The following NRXN3 variants were observed in gnomAD, a reference collection of about 807,000 sequenced individuals.
NRXN3 encodes neurexin III.
Under a neutral mutation model 137.6 loss-of-function variants are expected in NRXN3, and 32 were observed. The observed-to-expected ratio is 0.23, with a 90% CI of 0.18 to 0.31. NRXN3 has a LOEUF of 0.31. NRXN3 is among the 10% of genes least tolerant of loss of function. NRXN3 has a pLI of 1.00. For missense variants in NRXN3, 1,574 were observed against 2,062.5 expected (o/e 0.76, Z 4.59); for synonymous variants, 798 against 784.5 (o/e 1.02, Z -0.29).
intron 10 of NRXN3, among the ~76,000 whole-genome samples, chr14:78,810,922 C>T (rs1192958187): frequency 6.6e-6 from 1 of 152,196 alleles, no homozygotes; most frequent in Non-Finnish European, 1.5e-5. Context: ...GTATTATTTT[C>T]ACCTTATCCC....
At chr14:79,479,790 C>G (rs1162726232) in intron 16 of NRXN3, among the ~76,000 whole-genome samples, 1 of 152,032 alleles carries the variant, frequency 6.6e-6, no homozygotes, top group Non-Finnish European at 1.5e-5. Flanking sequence ...CTTAAATACT[C>G]CTATGCAAAA....
chr14:78,631,950 A>C (rs1005291267), intron 4 of NRXN3, among the ~76,000 whole-genome samples: 3 of 151,864 alleles, frequency 2.0e-5, no homozygotes, highest in African/African-American at 7.3e-5. Context: ...TGCTAAAAAA[A>C]AAAAATACAA....
intron 15 of NRXN3, among the ~76,000 whole-genome samples, chr14:79,358,320 C>T (rs1464684013): frequency 6.6e-6 from 1 of 151,856 alleles, no homozygotes; most frequent in Non-Finnish European, 1.5e-5. Context: ...CCCAGCACTT[C>T]GGGACTTTGG....
At chr14:78,808,551 G>A (rs989896652) in intron 9 of NRXN3, among the ~76,000 whole-genome samples, 1 of 151,894 alleles carries the variant, frequency 6.6e-6, no homozygotes, top group Non-Finnish European at 1.5e-5. Flanking sequence ...CTCCCTCCCT[G>A]CCCTCCCTCC....
At chr14:78,778,686 C>CTTTCTT (rs1294921220) in intron 8 of NRXN3, among the ~76,000 whole-genome samples, 1 of 111,878 alleles carries the variant, frequency 8.9e-6, no homozygotes, top group African/African-American at 3.5e-5. Context: ...TCTTTTCTTT[C>CTTTCTT]TTTCTTTCTT....
chr14:79,122,423 C>T (rs545561679), intron 15 of NRXN3, among the ~76,000 whole-genome samples: 1 of 152,266 alleles, frequency 6.6e-6, no homozygotes, highest in Non-Finnish European at 1.5e-5. Context: ...AGAATTTCCT[C>T]TCAGTGGAAT....
chr14:78,194,760 A>G (rs1029089190), intron 1 of NRXN3, among the ~76,000 whole-genome samples: 4 of 152,216 alleles, frequency 2.6e-5, no homozygotes, highest in African/African-American at 9.6e-5. Context: ...ATGATCCAGC[A>G]TGCTAGAGTA....
In NRXN3 at chr14:79,865,714, C is replaced by G. The variant is rs1231306361; in HGVS notation, c.*3750C>G. ...GATATTGGCTCACTGCAACCTCTGC[C>G]TCTCAACCTCAAACGATTCTCCTGC... On this transcript the variant is annotated 3_prime_UTR_variant, in exon 21 of 21. Coordinates refer to ENST00000335750, the MANE Select transcript of NRXN3 (RefSeq NM_001330195.2). The G allele has an allele frequency of 6.6e-6, 1 of 152,178 alleles. No homozygotes were observed. The highest frequency in any genetic ancestry group is 2.4e-5 in the African/African-American group (1 of 41,428). 9.4% of individuals were successfully genotyped at this position (152,178 alleles called of 1,614,324 possible).
At chr14:79,061,822 C>T (rs1448395183) in intron 15 of NRXN3, among the ~76,000 whole-genome samples, 5 of 152,316 alleles carry the variant, frequency 3.3e-5, no homozygotes, top group Admixed American at 3.3e-4. Flanking sequence ...CATCCCGGCC[C>T]ATCCCTTATG....
intron 8 of NRXN3, among the ~76,000 whole-genome samples, chr14:78,795,632 A>G (rs2098819343): frequency 1.3e-5 from 2 of 152,238 alleles, no homozygotes; most frequent in Non-Finnish European, 2.9e-5. Context: ...AAATACAGAT[A>G]TATACCATTT....
At chr14:78,433,064 G>A (rs2093948070) in intron 4 of NRXN3, among the ~76,000 whole-genome samples, 1 of 152,178 alleles carries the variant, frequency 6.6e-6, no homozygotes, top group African/African-American at 2.4e-5. Flanking sequence ...GTCTTACAAG[G>A]CTGCAATCAA....
At chr14:78,663,813 C>G (rs2097859523) in intron 6 of NRXN3, among the ~76,000 whole-genome samples, 1 of 152,092 alleles carries the variant, frequency 6.6e-6, no homozygotes, top group South Asian at 2.1e-4. Flanking sequence ...CCTACTGAGA[C>G]AAAATCTCTT....
chr14:79,388,112 A>AAT (rs1304867071), intron 15 of NRXN3, among the ~76,000 whole-genome samples: 1 of 151,022 alleles, frequency 6.6e-6, no homozygotes, highest in Non-Finnish European at 1.5e-5. Context: ...TAAAAAAAAA[A>AAT]GTAGGATATT....
intron 3 of NRXN3, among the ~76,000 whole-genome samples, chr14:78,287,078 A>C (rs989754311): frequency 6.6e-6 from 1 of 152,202 alleles, no homozygotes; most frequent in Non-Finnish European, 1.5e-5. Context: ...CTAAACTAGG[A>C]TAGTTCTCCC....
rs961910712 is a variant in NRXN3 at position 79,192,765 on chromosome 14, A to ATTT, written c.3262+204645_3262+204647dup. 3.2e-3 allele frequency among the ~76,000 whole-genome samples: 372 copies of ATTT among 115,192 alleles called. 2 individuals carry two copies. Among genetic ancestry groups the ATTT allele is most frequent in the East Asian group, 5.5e-3 (20 of 3,666 alleles). 75.6% of individuals were successfully genotyped at this position (115,192 alleles called of 152,430 possible). On this transcript the variant is annotated intron_variant, in intron 15 of 20. Coordinates refer to ENST00000335750, the MANE Select transcript of NRXN3 (RefSeq NM_001330195.2). ...TAAAAAGACATGTACAATTCTCTTA[A>ATTT]TTTTTTTTTTTTTTTTTTTTTTTGA...
At chr14:79,207,866 A>C (rs534409729) in intron 15 of NRXN3, among the ~76,000 whole-genome samples, 1 of 151,998 alleles carries the variant, frequency 6.6e-6, no homozygotes, top group African/African-American at 2.4e-5. Context: ...TATGGTATAT[A>C]TATTTTAAAT....
intron 1 of NRXN3, among the ~76,000 whole-genome samples, chr14:78,232,810 C>T (rs936230619): frequency 6.6e-6 from 1 of 152,204 alleles, no homozygotes; most frequent in African/African-American, 2.4e-5. Flanking sequence ...GATGGCTTTC[C>T]AAACCATGGC....
intron 2 of NRXN3, among the ~76,000 whole-genome samples, chr14:78,263,191 G>A (rs1010580993): frequency 6.6e-6 from 1 of 152,154 alleles, no homozygotes; most frequent in African/African-American, 2.4e-5. Flanking sequence ...GTTAGCCAAT[G>A]TTAGTTTCCA....
intron 19 of NRXN3, among the ~76,000 whole-genome samples, chr14:79,736,481 T>C (rs916167788): frequency 3.3e-5 from 5 of 152,210 alleles, no homozygotes; most frequent in African/African-American, 1.2e-4. Context: ...CTTCCTCTTC[T>C]GAATATTCCG....
Sources: gnomAD v4.1 joint callset for allele counts (sites outside exome capture counted in the v4.1 genomes callset) on GRCh38, gnomAD v4.1.1 for gene constraint, MANE v1.5 for transcripts, NCBI Gene and HGNC (gene_info 2026-07-23, HGNC 2026-07-21) for gene names.